TAOK3: variants seen among roughly 807,000 people sequenced by gnomAD.
TAOK3 encodes serine/threonine-protein kinase TAO3.
A neutral mutation model predicts 120.4 loss-of-function variants in TAOK3; 40 were observed. The observed-to-expected ratio is 0.33, with a 90% CI of 0.26 to 0.43. The LOEUF (loss-of-function observed/expected upper bound fraction) is 0.43, where lower values mean the gene tolerates loss of function less well. TAOK3 is among the 20% of genes least tolerant of loss of function. TAOK3 has a pLI of 1.00. For missense variants in TAOK3, 821 were observed against 1,112.1 expected, an observed-to-expected ratio of 0.74 and a Z score of 3.72; for synonymous variants, 355 against 387.5, an observed-to-expected ratio of 0.92 and a Z score of 0.99.
chr12:118,302,323 G>A (rs2042911302), intron 1 of TAOK3, among the ~76,000 whole-genome samples: 1 of 152,208 alleles, frequency 6.6e-6, no homozygotes, highest in East Asian at 1.9e-4. Context: ...TTTTGGCACT[G>A]CCTCATCTCT....
chr12:118,172,144 G>C (rs1399190330), intron 17 of TAOK3, among the ~76,000 whole-genome samples: 3 of 152,126 alleles, frequency 2.0e-5, no homozygotes, highest in Non-Finnish European at 4.4e-5. Context: ...TTGACAAGTA[G>C]GCTGAAAACA....
intron 1 of TAOK3, among the ~76,000 whole-genome samples, chr12:118,273,824 T>C (rs542094978): frequency 6.6e-6 from 1 of 152,200 alleles, no homozygotes; most frequent in African/African-American, 2.4e-5. Flanking sequence ...TCTAAATAAA[T>C]AAATAAATTC....
intron 3 of TAOK3, among the ~76,000 whole-genome samples, chr12:118,247,734 C>T (rs958897621): frequency 4.6e-5 from 7 of 152,112 alleles, no homozygotes; most frequent in African/African-American, 7.2e-5. Context: ...AGGCTGGTCT[C>T]GAACTCCTGG....
intron 1 of TAOK3, among the ~76,000 whole-genome samples, chr12:118,361,739 G>A (rs1478826738): frequency 1.3e-5 from 2 of 152,010 alleles, no homozygotes; most frequent in African/African-American, 4.8e-5. Context: ...GATTACAGGT[G>A]TGAGCCACTA....
chr12:118,236,859 CTT>C (rs1415782152), intron 7 of TAOK3, among the ~76,000 whole-genome samples: 6 of 151,900 alleles, frequency 3.9e-5, no homozygotes, highest in African/African-American at 1.5e-4. Context: ...TATTTTGACT[CTT>C]CAACAAATTA....
chr12:118,206,772 A>G (rs2038339234), intron 11 of TAOK3, among the ~76,000 whole-genome samples: 1 of 151,230 alleles, frequency 6.6e-6, no homozygotes, highest in Admixed American at 6.6e-5. Context: ...AATTTTTTGT[A>G]TTTTAATAGA....
At chr12:118,151,195 T>C (rs755127553) in intron 20 of TAOK3, 37 bp from the exon 21 acceptor site, 15 of 1,604,696 alleles carry the variant, frequency 9.3e-6, no homozygotes, top group Non-Finnish European at 1.3e-5. Context: ...ATGGAAAGCA[T>C]CTCCTAACAG....
At chr12:118,205,819 C>T (rs2139356695) in intron 11 of TAOK3, among the ~76,000 whole-genome samples, 1 of 152,182 alleles carries the variant, frequency 6.6e-6, no homozygotes, top group Non-Finnish European at 1.5e-5. Context: ...CTATGTTGGC[C>T]AGGCTGGTCT....
intron 1 of TAOK3, among the ~76,000 whole-genome samples, chr12:118,360,363 C>T (rs931407339): frequency 6.6e-6 from 1 of 150,850 alleles, no homozygotes; most frequent in Non-Finnish European, 1.5e-5. Context: ...GTCAGGAGAT[C>T]GACACCATCC....
chr12:118,281,203 A>T (rs2042087639), intron 1 of TAOK3, among the ~76,000 whole-genome samples: 1 of 152,078 alleles, frequency 6.6e-6, no homozygotes, highest in African/African-American at 2.4e-5. Flanking sequence ...CTTTTGCCTG[A>T]CTTCCCTGGT....
chr12:118,263,285 A>G (rs1403206562), intron 2 of TAOK3, among the ~76,000 whole-genome samples: 4 of 152,234 alleles, frequency 2.6e-5, no homozygotes, highest in Non-Finnish European at 5.9e-5. Flanking sequence ...ACTTGCATCC[A>G]AATATGCAAG....
At chr12:118,320,794 G>C (rs192665879) in intron 1 of TAOK3, among the ~76,000 whole-genome samples, 3 of 152,226 alleles carry the variant, frequency 2.0e-5, no homozygotes, top group East Asian at 1.9e-4. Flanking sequence ...TTTAGAGTCA[G>C]AGTAGAATAA....
At chr12:118,315,117 G>C (rs1020403848) in intron 1 of TAOK3, among the ~76,000 whole-genome samples, 2 of 152,014 alleles carry the variant, frequency 1.3e-5, no homozygotes, top group African/African-American at 2.4e-5. Context: ...TTTTAGTAGA[G>C]ATGGGGTTTC....
At chr12:118,226,027 A>G (rs2039486645) in intron 9 of TAOK3, among the ~76,000 whole-genome samples, 1 of 152,172 alleles carries the variant, frequency 6.6e-6, no homozygotes, top group East Asian at 1.9e-4. Flanking sequence ...ATCATTTGAG[A>G]TCAGGAGTTT....
chr12:118,317,006 G>A (rs1329384473), intron 1 of TAOK3, among the ~76,000 whole-genome samples: 1 of 151,994 alleles, frequency 6.6e-6, no homozygotes, highest in Non-Finnish European at 1.5e-5. Context: ...GCTCACGCCT[G>A]TAATCTCAGC....
Position 118,152,412 on chromosome 12 carries a change from G to T in TAOK3, c.2353-3C>A. The T allele has an allele frequency of 6.2e-7, 1 of 1,608,458 alleles. No homozygotes were observed. On this transcript the variant is annotated splice_polypyrimidine_tract_variant and splice_region_variant and intron_variant, in intron 19 of 20. Transcript: ENST00000392533. ...TCTTGAGCCTCATCTAGCCGTAACT[G>T]CGGACACAGAAGACACACACGGTCA...
chr12:118,255,491 C>T lies in TAOK3; in HGVS notation c.77G>A (p.Gly26Asp). Residue 26 changes from glycine (G) to aspartate (D), a missense_variant, in exon 3 of 21, where the codon GGT becomes GAT. Around this residue, in one of 2 missense-constraint regions of TAOK3, gnomAD observed 467 missense variants for 540.0 expected, o/e 0.86. Transcript: ENST00000392533. The stretch of plus-strand genomic sequence containing the variant: ...ACTTCCATGTCCAATTTCATGCAAA[C>T]CAATAAAAAGTTCCTCAGGATCATC... ...YKDDPEELFI[G>D]LHEIGHGSFG... is the part of the protein sequence containing the mutation. 6.2e-7 allele frequency: 1 copy of T among 1,614,090 alleles called. No homozygotes were observed. Among genetic ancestry groups the T allele is most frequent in the Non-Finnish European group, 8.5e-7 (1 of 1,179,992 alleles).
rs979832061 is a variant in TAOK3, at chr12:118,170,374, T to C, written c.1899+2083A>G. On this transcript the variant is annotated intron_variant, in intron 17 of 20. Coordinates refer to ENST00000392533, the MANE Select transcript of TAOK3 (RefSeq NM_016281.4). ...CCCACTGGGGGCGTTATCACCCCCA[T>C]TGAGAATCTATGTTCAAATCATTCT... Among the ~76,000 whole-genome samples the C allele has an allele frequency of 5.9e-5, 9 of 152,284 alleles. No homozygotes were observed. In the South Asian group the frequency reaches 1.9e-3, roughly 32 times the overall value.
rs549742931 is a variant in TAOK3, at chr12:118,207,491, C to G, written c.819+5423G>C. Among the ~76,000 whole-genome samples the G allele has an allele frequency of 7.2e-5, 11 of 152,166 alleles. No individual in the cohort carries two copies. In the East Asian group the frequency reaches 1.9e-3, roughly 27 times the overall value. On this transcript the variant is annotated intron_variant, in intron 11 of 20. Coordinates refer to ENST00000392533, the MANE Select transcript of TAOK3 (RefSeq NM_016281.4). ...TTACATGGGAATCTGATTATACAAG[C>G]TAATTTTATGTATAATCGATTTAAT... is the stretch of plus-strand genomic sequence containing the variant.
Sources: allele counts gnomAD v4.1 joint callset (sites outside exome capture counted in the v4.1 genomes callset), GRCh38; gene constraint gnomAD v4.1.1; regional missense constraint gnomAD v4.1.1; transcripts MANE v1.5; gene names NCBI Gene and HGNC (gene_info 2026-07-23, HGNC 2026-07-21).